Variants in SFSWAP observed in about 807,000 individuals in gnomAD.
The protein encoded by SFSWAP is splicing factor SWAP.
In SFSWAP, 17 loss-of-function variants were observed where a neutral mutation model predicts 100.7. The observed-to-expected ratio is 0.17, with a 90% confidence interval of 0.12 to 0.25. The LOEUF (loss-of-function observed/expected upper bound fraction) is 0.25. SFSWAP is among the 10% of genes least tolerant of loss of function. The pLI, the probability that SFSWAP is intolerant of heterozygous loss-of-function variation, is 1.00. For missense variants in SFSWAP, 1,005 were observed against 1,262.6 expected (o/e 0.80, Z 3.09); for synonymous variants, 504 against 510.1 (o/e 0.99, Z 0.16).
intron 13 of SFSWAP, among the ~76,000 whole-genome samples, chr12:131,776,519 C>T (rs1884036867): frequency 6.6e-6 from 1 of 152,242 alleles, no homozygotes; most frequent in African/African-American, 2.4e-5. Context: ...AAGCAAGAAG[C>T]ATAACTGTAG....
At chr12:131,739,535 GCT>G (rs1880393801) in intron 7 of SFSWAP, among the ~76,000 whole-genome samples, 1 of 94,020 alleles carries the variant, frequency 1.1e-5, no homozygotes, top group African/African-American at 4.2e-5. Context: ...TTCCCCAGTT[GCT>G]TTTTTTTTTT....
Position 131,730,838 on chromosome 12 carries a change from G to A in SFSWAP, c.1081+2410G>A, listed in dbSNP as rs1011495642. Reference sequence around the variant, plus strand: ...GGTGCCCTCTCCTCCCCTCAATACGGTGCCGTTGTTTTGAAACTCATCGTC... The same window carrying A: ...GGTGCCCTCTCCTCCCCTCAATACGATGCCGTTGTTTTGAAACTCATCGTC... On this transcript the variant is annotated intron_variant, in intron 7 of 17. Transcript: ENST00000261674. This position sits in a 1 kb window ranked among gnomAD's most constrained non-coding sequence, Gnocchi z 4.0. 3.9e-5 allele frequency among the ~76,000 whole-genome samples: 6 copies of A among 152,146 alleles called. No homozygotes were observed.
chr12:131,754,287 G>A (rs538214293), intron 8 of SFSWAP, 81 bp from the exon 9 acceptor site: 4 of 1,126,926 alleles, frequency 3.5e-6, no homozygotes, highest in South Asian at 2.0e-5. Flanking sequence ...GGCATCTGAG[G>A]CGGTGAGGAC....
intron 7 of SFSWAP, among the ~76,000 whole-genome samples, chr12:131,752,725 C>G (rs535852100): frequency 7.9e-5 from 12 of 152,348 alleles, no homozygotes; most frequent in African/African-American, 2.9e-4. Flanking sequence ...CATTTCCTCA[C>G]ATGTGCATTT....
chr12:131,767,289 A>C (rs924355993), intron 13 of SFSWAP, among the ~76,000 whole-genome samples: 2 of 151,792 alleles, frequency 1.3e-5, no homozygotes, highest in African/African-American at 4.8e-5. Context: ...CAAAAACTCT[A>C]CTTTTTTTTT....
intron 15 of SFSWAP, chr12:131,796,348 CGAAGGGTCG>C (rs1398884380): frequency 6.6e-6 from 1 of 152,374 alleles, no homozygotes; most frequent in Non-Finnish European, 1.5e-5. Context: ...AGGTGGAAGC[CGAAGGGTCG>C]GCCTCTCCAG....
chr12:131,722,580 T>C (rs1878581620), intron 4 of SFSWAP, among the ~76,000 whole-genome samples: 1 of 152,206 alleles, frequency 6.6e-6, no homozygotes, highest in Admixed American at 6.5e-5. Flanking sequence ...AGAACCAGCC[T>C]TTATGAAGCA....
At position 131,711,301 on chromosome 12, in the gene SFSWAP, C is replaced by T. The variant is rs751981087; in HGVS notation, c.72C>T (p.Gly24=). 6.2e-7 allele frequency: 1 copy of T among 1,613,226 alleles called. No homozygotes were observed. The highest frequency in any genetic ancestry group is 8.5e-7 in the Non-Finnish European group (1 of 1,179,752). ...GCGCGAAGGAGGAGGCCGGGCCAGG[C>T]GGTGCCGGCGGTGGGGGCAGCCGAG... The part of the protein sequence containing the change: ...KSGAKEEAGP[G]GAGGGGSRVE... Residue 24 remains glycine, a synonymous_variant, in exon 1 of 18, where the codon GGC becomes GGT. Transcript: ENST00000261674. The surrounding 1 kb of genome is among the most constrained non-coding windows in gnomAD (Gnocchi z 4.9).
intron 7 of SFSWAP, among the ~76,000 whole-genome samples, chr12:131,741,281 A>G (rs187461406): frequency 4.9e-4 from 74 of 152,016 alleles, no homozygotes; most frequent in African/African-American, 1.7e-3. Flanking sequence ...TTTTAATTTC[A>G]TACAATTTTG....
intron 1 of SFSWAP, 147 bp from the exon 2 acceptor site, chr12:131,713,924 A>G (rs1391105456): frequency 4.2e-6 from 2 of 470,816 alleles, no homozygotes; most frequent in East Asian, 3.3e-5. Context: ...TAAATCTGGG[A>G]AGAGTTTTTA....
intron 1 of SFSWAP, chr12:131,712,368 C>G (rs542733250): frequency 6.6e-6 from 1 of 152,274 alleles, no homozygotes; most frequent in African/African-American, 2.4e-5. Context: ...TTCAATCCCC[C>G]TTCCCCTCGT....
rs1335784903 is a variant in SFSWAP at position 131,759,277 on chromosome 12, AT to A, written c.1720+2637del. Among the ~76,000 whole-genome samples, 15 of 152,340 alleles carry A rather than the reference AT, an allele frequency of 9.8e-5. No individual in the cohort carries two copies. In the East Asian group the frequency reaches 2.9e-3, roughly 29 times the overall value. ...AACATAGACCTATAGACCTGAAAGA[AT>A]TTTGAAAATAATTGGTTAGTGAAAT... On this transcript the variant is annotated intron_variant, in intron 11 of 17. Transcript: ENST00000261674.
chr12:131,714,295 T>G lies in SFSWAP; in HGVS notation c.388+55T>G, dbSNP rs774035788. ...ACAAACTTTTTAAAATTTTTAAGTA[T>G]TTAAAAATTTACTCCCATTCATTTT... On this transcript the variant is annotated intron_variant, in intron 2 of 17. Transcript: ENST00000261674. This position sits in a 1 kb window ranked among gnomAD's most constrained non-coding sequence, Gnocchi z 6.0. 5.2e-5 allele frequency: 75 copies of G among 1,444,238 alleles called. No homozygotes were observed. Among genetic ancestry groups the G allele is most frequent in the Non-Finnish European group, 7.0e-5 (74 of 1,060,688 alleles). The allele number at this position is 1,444,238 out of a possible 1,614,324, so 89.5% of individuals were successfully genotyped here.
chr12:131,750,606 C>T (rs1881536319), intron 7 of SFSWAP, among the ~76,000 whole-genome samples: 1 of 152,198 alleles, frequency 6.6e-6, no homozygotes, highest in Non-Finnish European at 1.5e-5. Context: ...GCCTCTGAAG[C>T]AAGTTGTGGA....
In SFSWAP at chr12:131,711,720, G is replaced by T; in HGVS notation, c.218+273G>T. 4 of 435,788 alleles carry T rather than the reference G, an allele frequency of 9.2e-6. No individual in the cohort carries two copies. Among genetic ancestry groups the T allele is most frequent in the South Asian group, 2.9e-5 (1 of 34,498 alleles). The allele number at this position is 435,788 out of a possible 1,614,324, so 27.0% of individuals were successfully genotyped here. On this transcript the variant is annotated intron_variant, in intron 1 of 17. Coordinates refer to ENST00000261674, the MANE Select transcript of SFSWAP (RefSeq NM_004592.4). This position sits in a 1 kb window ranked among gnomAD's most constrained non-coding sequence, Gnocchi z 4.9. The stretch of plus-strand genomic sequence containing the variant: ...GCCCCTCTCGACCCCTCACCCTGTC[G>T]CTGGGCTGCAGTTGGCGATTCCGCG...
chr12:131,736,269 C>A (rs1880007279), intron 7 of SFSWAP, among the ~76,000 whole-genome samples: 1 of 152,236 alleles, frequency 6.6e-6, no homozygotes, highest in Admixed American at 6.5e-5. Flanking sequence ...ATAAGAGCCT[C>A]ACTTTCACCC....
At chr12:131,751,210 T>C (rs2136220910) in intron 7 of SFSWAP, among the ~76,000 whole-genome samples, 1 of 152,374 alleles carries the variant, frequency 6.6e-6, no homozygotes, top group South Asian at 2.1e-4. Context: ...CTTTACACAG[T>C]TACATAAAGA....
intron 7 of SFSWAP, among the ~76,000 whole-genome samples, chr12:131,748,505 C>T (rs551783775): frequency 7.7e-4 from 118 of 152,328 alleles, no homozygotes; most frequent in African/African-American, 2.7e-3. Context: ...CCTGACTTAG[C>T]TCTTCCAGAA....
At chr12:131,779,723 A>G (rs2136259790) in intron 14 of SFSWAP, among the ~76,000 whole-genome samples, 1 of 152,344 alleles carries the variant, frequency 6.6e-6, no homozygotes, top group East Asian at 1.9e-4. Flanking sequence ...AATTTTACAC[A>G]TTTGCCTCTC....
Sources: allele counts gnomAD v4.1 joint callset (sites outside exome capture counted in the v4.1 genomes callset), GRCh38; gene constraint gnomAD v4.1.1; non-coding constraint Gnocchi (gnomAD v3.1); transcripts MANE v1.5; gene names NCBI Gene and HGNC (gene_info 2026-07-23, HGNC 2026-07-21).